ADAM18: variants seen among roughly 807,000 people sequenced by gnomAD.
The protein encoded by ADAM18 is disintegrin and metalloproteinase domain-containing protein 18.
In ADAM18, 117 loss-of-function variants were observed where a neutral mutation model predicts 94.4. That is an observed-to-expected ratio of 1.24 (90% CI 1.07 to 1.45). The LOEUF is 1.45. ADAM18 is among the 40% of genes most tolerant of loss of function. ADAM18 has a pLI of 0.00. For synonymous variants in ADAM18, 327 were observed against 291.6 expected (o/e 1.12, Z -1.24); for missense variants, 936 against 880.0 (o/e 1.06, Z -0.81).
intron 2 of ADAM18, among the ~76,000 whole-genome samples, chr8:39,600,402 G>C (rs1361175517): frequency 1.3e-5 from 2 of 152,108 alleles, no homozygotes; most frequent in Non-Finnish European, 2.9e-5. Flanking sequence ...CAGGTAACTT[G>C]CTTTCAGTGG....
intron 2 of ADAM18, among the ~76,000 whole-genome samples, chr8:39,586,839 A>G (rs1818418937): frequency 1.3e-5 from 2 of 151,748 alleles, no homozygotes; most frequent in Non-Finnish European, 2.9e-5. Context: ...TTTTTTCCCC[A>G]GATTTACTAC....
At chr8:39,695,645 G>C (rs1211063875) in intron 17 of ADAM18, among the ~76,000 whole-genome samples, 1 of 150,810 alleles carries the variant, frequency 6.6e-6, no homozygotes, top group Non-Finnish European at 1.5e-5. Flanking sequence ...TATATGAATT[G>C]ACTACTCTAG....
At position 39,629,322 on chromosome 8, in the gene ADAM18, TA is replaced by T. The variant is rs1819866403; in HGVS notation, c.523-49del. The T allele has an allele frequency of 3.6e-6, 5 of 1,379,944 alleles. No homozygotes were observed. The African/African-American group carries it at 7.5e-5, about 21-fold the overall frequency. 85.5% of individuals were successfully genotyped at this position (1,379,944 alleles called of 1,614,324 possible). The stretch of plus-strand genomic sequence containing the variant: ...GTCTTTACATGTCATCTTTTTCTCT[TA>T]AATTCAATACATGTTAACATTTTAT... On this transcript the variant is annotated intron_variant, in intron 6 of 19. Coordinates refer to ENST00000265707, the MANE Select transcript of ADAM18 (RefSeq NM_014237.3).
chr8:39,728,423 T>G (rs1010551329), intron 19 of ADAM18, among the ~76,000 whole-genome samples: 3 of 152,194 alleles, frequency 2.0e-5, no homozygotes, highest in African/African-American at 7.2e-5. Flanking sequence ...TTCAGTGATG[T>G]ATAGTAGACT....
Position 39,605,339 on chromosome 8 carries a change from AC to A in ADAM18, c.133-967del, listed in dbSNP as rs368417055. 1.7e-4 allele frequency among the ~76,000 whole-genome samples: 26 copies of A among 152,290 alleles called. No homozygotes were observed. The East Asian group carries it at 4.4e-3, about 26-fold the overall frequency. On this transcript the variant is annotated intron_variant, in intron 2 of 19. Transcript: ENST00000265707. ...TCACCTGCTGTTTCTGGATGCCATC[AC>A]AATAGGATCATGAGCATTGTTAGTA...
chr8:39,658,054 G>A (rs536465774), intron 12 of ADAM18, among the ~76,000 whole-genome samples: 2 of 152,032 alleles, frequency 1.3e-5, no homozygotes, highest in Admixed American at 6.6e-5. Context: ...GAATTGTTTC[G>A]GGAATCTTTG....
chr8:39,659,560 T>TA (rs1820776462), intron 12 of ADAM18, among the ~76,000 whole-genome samples: 1 of 152,018 alleles, frequency 6.6e-6, no homozygotes, highest in Non-Finnish European at 1.5e-5. Context: ...TAAAACAAAA[T>TA]ACGTGGAATA....
intron 14 of ADAM18, among the ~76,000 whole-genome samples, chr8:39,677,069 A>G (rs773903105): frequency 4.6e-5 from 7 of 152,232 alleles, no homozygotes; most frequent in Non-Finnish European, 7.3e-5. Flanking sequence ...CTGGAAAACT[A>G]TATAAGTTCC....
chr8:39,615,283 A>C (rs1352901716), intron 6 of ADAM18, among the ~76,000 whole-genome samples: 1 of 152,130 alleles, frequency 6.6e-6, no homozygotes, highest in African/African-American at 2.4e-5. Flanking sequence ...TAAAGATAGA[A>C]GTTCACACCA....
chr8:39,610,670 G>T lies in ADAM18; in HGVS notation c.486G>T (p.Gln162His), dbSNP rs769814741. The T allele has an allele frequency of 4.3e-6, 7 of 1,613,184 alleles. No homozygotes were observed. In the East Asian group the frequency reaches 6.7e-5, roughly 15 times the overall value. Residue 162 changes from glutamine (Q) to histidine (H), a missense_variant, in exon 6 of 20, where the codon CAG becomes CAT. Transcript: ENST00000265707. Reference protein sequence around the residue: ...ILAVNYSHIWQKDQPYKVPLN... With the variant: ...ILAVNYSHIWHKDQPYKVPLN... Reference sequence around the variant, plus strand: ...CAGTAAATTACAGTCATATTTGGCAGAAAGACCAGCCCTACAAAGTTCCTT... The same window carrying T: ...CAGTAAATTACAGTCATATTTGGCATAAAGACCAGCCCTACAAAGTTCCTT...
intron 12 of ADAM18, among the ~76,000 whole-genome samples, chr8:39,662,332 T>A (rs1259648059): frequency 6.6e-6 from 1 of 152,158 alleles, no homozygotes; most frequent in Non-Finnish European, 1.5e-5. Flanking sequence ...CTAGAGAATC[T>A]GGAGTATGTA....
intron 6 of ADAM18, chr8:39,611,636 T>C: frequency 5.2e-6 from 5 of 967,024 alleles, no homozygotes; most frequent in Non-Finnish European, 6.1e-6. Flanking sequence ...CACATATACA[T>C]CAGAGTAAAA....
intron 6 of ADAM18, among the ~76,000 whole-genome samples, chr8:39,625,442 C>A (rs1585911730): frequency 6.6e-6 from 1 of 151,922 alleles, no homozygotes; most frequent in African/African-American, 2.4e-5. Context: ...CTAGAGGAGC[C>A]TTTTAGGGTT....
rs1819497059 is a variant in ADAM18 at position 39,618,071 on chromosome 8, T to C, written c.522+7365T>C. Among the ~76,000 whole-genome samples, 3 of 152,226 alleles carry C rather than the reference T, an allele frequency of 2.0e-5. No individual in the cohort carries two copies. The South Asian group carries it at 6.2e-4, about 31-fold the overall frequency. ...CAAAGACTCACTTTATCTGTAAGTA[T>C]ACACATAGACTGAAAGTAAATGGAT... is the stretch of plus-strand genomic sequence containing the variant. On this transcript the variant is annotated intron_variant, in intron 6 of 19. Transcript: ENST00000265707.
rs150453142 is a variant in ADAM18 at position 39,710,330 on chromosome 8, T to C, written c.2017+3426T>C. Reference sequence around the variant, plus strand: ...AAATAGATGAAATGAGTTACATGTTTCTAAGGCAATATATATTTTTCTTGT... The same window carrying C: ...AAATAGATGAAATGAGTTACATGTTCCTAAGGCAATATATATTTTTCTTGT... On this transcript the variant is annotated intron_variant, in intron 18 of 19. Coordinates refer to ENST00000265707, the MANE Select transcript of ADAM18 (RefSeq NM_014237.3). 2.7e-3 allele frequency among the ~76,000 whole-genome samples: 412 copies of C among 152,302 alleles called. 2 individuals carry two copies. Among genetic ancestry groups the C allele is most frequent in the African/African-American group, 9.2e-3 (382 of 41,564 alleles).
intron 12 of ADAM18, among the ~76,000 whole-genome samples, chr8:39,659,172 C>A (rs1327427826): frequency 6.6e-6 from 1 of 151,844 alleles, no homozygotes; most frequent in Non-Finnish European, 1.5e-5. Context: ...TTGAAAATTA[C>A]ATATATTCTT....
At chr8:39,698,503 A>G (rs1821984627) in intron 17 of ADAM18, among the ~76,000 whole-genome samples, 1 of 151,938 alleles carries the variant, frequency 6.6e-6, no homozygotes, top group Admixed American at 6.6e-5. Flanking sequence ...CTTTTGGTGA[A>G]TTGCTTGGTG....
At chr8:39,603,035 C>T (rs1352325452) in intron 2 of ADAM18, among the ~76,000 whole-genome samples, 7 of 149,766 alleles carry the variant, frequency 4.7e-5, no homozygotes. Flanking sequence ...ATTGTTCTAT[C>T]TTGCACACTT....
At chr8:39,658,976 A>G (rs993977738) in intron 12 of ADAM18, among the ~76,000 whole-genome samples, 1 of 152,178 alleles carries the variant, frequency 6.6e-6, no homozygotes, top group Non-Finnish European at 1.5e-5. Flanking sequence ...TTCAAAATTG[A>G]GAACAAGATG....
Sources: gnomAD v4.1 joint callset for allele counts (sites outside exome capture counted in the v4.1 genomes callset) on GRCh38, gnomAD v4.1.1 for gene constraint, MANE v1.5 for transcripts, NCBI Gene and HGNC (gene_info 2026-07-23, HGNC 2026-07-21) for gene names.